The following SLC22A4 variants were observed in gnomAD, a reference collection of about 807,000 sequenced individuals.
SLC22A4 encodes the protein ET transporter.
In SLC22A4, 39 loss-of-function variants were observed where a neutral mutation model predicts 56.6. The ratio of observed to expected loss-of-function variants is 0.69; its 90% CI spans 0.53 to 0.90. The LOEUF (loss-of-function observed/expected upper bound fraction) is 0.90, where lower values mean the gene tolerates loss of function less well. Among genes scored for constraint, SLC22A4 ranks in the 40% least tolerant of loss-of-function variants. The pLI is 0.00. For synonymous variants in SLC22A4, 241 were observed against 281.4 expected (o/e 0.86, Z 1.44); for missense variants, 594 against 696.5 (o/e 0.85, Z 1.66).
chr5:132,315,274 T>C (rs1750311415), intron 3 of SLC22A4, among the ~76,000 whole-genome samples: 1 of 152,042 alleles, frequency 6.6e-6, no homozygotes, highest in Non-Finnish European at 1.5e-5. Context: ...CGGAGGACTC[T>C]GACCAGCAGG....
At chr5:132,324,153 C>T (rs775834515) in intron 4 of SLC22A4, among the ~76,000 whole-genome samples, 1 of 151,990 alleles carries the variant, frequency 6.6e-6, no homozygotes, top group Non-Finnish European at 1.5e-5. Context: ...ATGATCATGC[C>T]ACTGCACTCC....
chr5:132,334,651 C>T, intron 6 of SLC22A4, 67 bp from the exon 7 acceptor site: 1 of 1,098,822 alleles, frequency 9.1e-7, no homozygotes, highest in Non-Finnish European at 1.4e-6. Flanking sequence ...TAGAGAATTT[C>T]TTGACCATCA....
chr5:132,341,432 TA>T, intron 9 of SLC22A4, among the ~76,000 whole-genome samples: 1 of 151,930 alleles, frequency 6.6e-6, no homozygotes, highest in Non-Finnish European at 1.5e-5. Context: ...ATAATAATAA[TA>T]GTAATAAAGC....
Position 132,318,126 on chromosome 5 carries a change from GCAGA to G in SLC22A4, c.653-4053_653-4050del, listed in dbSNP as rs371706993. Among the ~76,000 whole-genome samples, 609 of 152,352 alleles carry G rather than the reference GCAGA, an allele frequency of 4.0e-3. 3 individuals are homozygous for G. Among genetic ancestry groups the G allele is most frequent in the African/African-American group, 0.012 (483 of 41,574 alleles). ...GTTACTTTTGACTGGAGTGATTGGT[GCAGA>G]CAGAGGGGAAGCCCTGAGCAGGGGA... On this transcript the variant is annotated intron_variant, in intron 3 of 9. Transcript: ENST00000200652.
In SLC22A4 at chr5:132,312,078, G is replaced by A. The variant is rs891577356; in HGVS notation, c.394-83G>A. On this transcript the variant is annotated intron_variant, in intron 1 of 9. Coordinates refer to ENST00000200652, the MANE Select transcript of SLC22A4 (RefSeq NM_003059.3). ...GGGGAGGAGAGTCTGCCCGCCAGCC[G>A]TGCTAATATTCCCTCAGAGCTGGGC... The A allele has an allele frequency of 4.9e-5, 42 of 849,970 alleles. 1 individual carries two copies. The highest frequency in any genetic ancestry group is 2.8e-4 in the African/African-American group (17 of 60,562). 52.7% of individuals were successfully genotyped at this position (849,970 alleles called of 1,614,324 possible).
chr5:132,306,437 ATATATAGTT>A (rs1750041134), intron 1 of SLC22A4, among the ~76,000 whole-genome samples: 2 of 60,602 alleles, frequency 3.3e-5, no homozygotes, highest in African/African-American at 1.5e-4. Context: ...ATATATATAT[ATATATAGTT>A]GTTGTTGTTG....
chr5:132,339,910 G>A (rs1045119436), intron 8 of SLC22A4, among the ~76,000 whole-genome samples: 3 of 152,156 alleles, frequency 2.0e-5, no homozygotes, highest in African/African-American at 7.2e-5. Flanking sequence ...TTTTTCTCCT[G>A]TGTGAGTAAA....
rs545290223 is a variant in SLC22A4 at position 132,343,922 on chromosome 5, C to T, written c.*87C>T. Reference sequence around the variant, plus strand: ...CGTTGTTCCCACTGAAATGGACTGACTGTAACGATTGACACCAAAATGAAC... The same window carrying T: ...CGTTGTTCCCACTGAAATGGACTGATTGTAACGATTGACACCAAAATGAAC... On this transcript the variant is annotated 3_prime_UTR_variant, in exon 10 of 10. Coordinates refer to ENST00000200652, the MANE Select transcript of SLC22A4 (RefSeq NM_003059.3). 1.1e-5 allele frequency: 9 copies of T among 803,364 alleles called. No homozygotes were observed. In the African/African-American group the frequency reaches 1.2e-4, roughly 11 times the overall value. The allele number at this position is 803,364 out of a possible 1,614,324, so 49.8% of individuals were successfully genotyped here.
intron 1 of SLC22A4, among the ~76,000 whole-genome samples, chr5:132,299,257 G>T (rs1044791433): frequency 6.6e-6 from 1 of 152,138 alleles, no homozygotes; most frequent in African/African-American, 2.4e-5. Context: ...GTAGCAATAA[G>T]GTGTCTGAGT....
chr5:132,299,024 G>A (rs541104233), intron 1 of SLC22A4, among the ~76,000 whole-genome samples: 3 of 152,228 alleles, frequency 2.0e-5, no homozygotes, highest in Admixed American at 6.5e-5. Context: ...CCCCTGAGAA[G>A]GTTCTCTGCA....
chr5:132,300,333 T>A (rs534988306), intron 1 of SLC22A4, among the ~76,000 whole-genome samples: 61 of 152,344 alleles, frequency 4.0e-4, no homozygotes, highest in Non-Finnish European at 7.3e-4. Flanking sequence ...CACTAATAAA[T>A]ATCTTAAGGG....
chr5:132,308,372 ATTTTTTTTTTTTTTTT>A (rs56259514), intron 1 of SLC22A4, among the ~76,000 whole-genome samples: 8,889 of 61,360 alleles, frequency 0.14, 570 homozygotes, highest in East Asian at 0.42. Context: ...TGATTAAGCA[ATTTTTTTTTTTTTTTT>A]TTTTTTTTTT....
In SLC22A4 at chr5:132,322,253, T is replaced by A. The variant is rs541967934; in HGVS notation, c.722T>A (p.Val241Asp). The A allele has an allele frequency of 8.7e-6, 14 of 1,613,964 alleles. No homozygotes were observed. In the South Asian group the frequency reaches 1.5e-4, roughly 18 times the overall value. Reference protein sequence around the residue: ...STLGVCTFFAVGYMLLPLFAY... With the variant: ...STLGVCTFFADGYMLLPLFAY... ...TTAGGAGTGTGCACATTTTTTGCAG[T>A]TGGCTATATGCTGCTGCCACTGTTT... The change falls in exon 4 of 10, where the codon GTT (valine) becomes GAT (aspartate). Residue 241 changes from valine (V) to aspartate (D), a missense_variant. By Grantham distance (152) the Val-to-Asp change is radical (BLOSUM62 -3). Transcript: ENST00000200652.
chr5:132,327,679 T>A (rs1750723796), intron 5 of SLC22A4, among the ~76,000 whole-genome samples: 1 of 152,274 alleles, frequency 6.6e-6, no homozygotes. Flanking sequence ...AACTTTCTAT[T>A]GGCATTGCTC....
At chr5:132,312,846 G>A (rs913075280) in intron 2 of SLC22A4, among the ~76,000 whole-genome samples, 8 of 152,200 alleles carry the variant, frequency 5.3e-5, no homozygotes, top group Non-Finnish European at 1.2e-4. Context: ...GTGCAGGAAG[G>A]TGGGGGTACT....
intron 3 of SLC22A4, among the ~76,000 whole-genome samples, chr5:132,319,625 T>C (rs1750473593): frequency 6.6e-6 from 1 of 152,224 alleles, no homozygotes; most frequent in South Asian, 2.1e-4. Context: ...GGAGTTTCGC[T>C]CTTGTTGCCC....
chr5:132,302,326 G>A (rs928750907), intron 1 of SLC22A4, among the ~76,000 whole-genome samples: 1 of 152,154 alleles, frequency 6.6e-6, no homozygotes, highest in Non-Finnish European at 1.5e-5. Context: ...GACAGGACTG[G>A]TCAGGGGGAG....
Position 132,313,745 on chromosome 5 carries a change from A to G in SLC22A4, c.629A>G (p.Asn210Ser), listed in dbSNP as rs373520579. 5 of 1,614,110 alleles carry G rather than the reference A, an allele frequency of 3.1e-6. No individual in the cohort carries two copies. The highest frequency in any genetic ancestry group is 1.7e-5 in the Admixed American group (1 of 60,010). The change falls in exon 3 of 10, where the codon AAC (asparagine) becomes AGC (serine). Residue 210 changes from asparagine to serine, a missense_variant. Asn to Ser is a conservative substitution (Grantham distance 46). Coordinates refer to ENST00000200652, the MANE Select transcript of SLC22A4 (RefSeq NM_003059.3). The stretch of plus-strand genomic sequence containing the variant: ...ATCGTGGGCATGGGCCAGATCTCCA[A>G]CTATGTGGTAGCCTTCATACTAGGT... ...FVIVGMGQIS[N>S]YVVAFILGTE...
In SLC22A4 at chr5:132,313,696, G is replaced by A. The variant is rs1402254319; in HGVS notation, c.580G>A (p.Glu194Lys). The A allele has an allele frequency of 2.5e-6, 4 of 1,614,170 alleles. No homozygotes were observed. The highest frequency in any genetic ancestry group is 1.1e-5 in the South Asian group (1 of 91,082). ...SFLQIFSISW[E>K]MFTVLFVIVG... ...CCTGCAGATTTTCTCCATCAGCTGG[G>A]AGATGTTCACTGTGTTATTTGTCAT... The change falls in exon 3 of 10, where the codon GAG becomes AAG. Residue 194 changes from glutamate to lysine, a missense_variant. Coordinates refer to ENST00000200652, the MANE Select transcript of SLC22A4 (RefSeq NM_003059.3).
Sources: allele counts gnomAD v4.1 joint callset (sites outside exome capture counted in the v4.1 genomes callset), GRCh38; gene constraint gnomAD v4.1.1; transcripts MANE v1.5; gene names NCBI Gene and HGNC (gene_info 2026-07-23, HGNC 2026-07-21).